The following ZNF385D variants were observed in gnomAD, a reference collection of about 807,000 sequenced individuals.
ZNF385D encodes the protein zinc finger protein 385D.
A neutral mutation model predicts 35.8 loss-of-function variants in ZNF385D; 15 were observed. The observed-to-expected ratio is 0.42, with a 90% CI of 0.28 to 0.64. The LOEUF (loss-of-function observed/expected upper bound fraction) is 0.64, where lower values mean the gene tolerates loss of function less well. Among genes scored for constraint, ZNF385D ranks in the 30% least tolerant of loss-of-function variants. ZNF385D has a pLI of 0.23. For missense variants in ZNF385D, 474 were observed against 494.6 expected (o/e 0.96, Z 0.39); for synonymous variants, 212 against 186.8 (o/e 1.13, Z -1.10).
chr3:22,036,595 A>G (rs1698333786), intron 3 of ZNF385D, among the ~76,000 whole-genome samples: 1 of 152,148 alleles, frequency 6.6e-6, no homozygotes, highest in African/African-American at 2.4e-5. Context: ...TTTCATTTTT[A>G]TAATCATAAA....
At chr3:22,191,456 C>G (rs1696023082) in intron 2 of ZNF385D, among the ~76,000 whole-genome samples, 1 of 149,918 alleles carries the variant, frequency 6.7e-6, no homozygotes, top group South Asian at 2.1e-4. Context: ...CATTGCACTC[C>G]AGCCTGGGCA....
intron 2 of ZNF385D, among the ~76,000 whole-genome samples, chr3:21,592,768 T>A (rs2064020945): frequency 6.6e-6 from 1 of 152,176 alleles, no homozygotes; most frequent in Non-Finnish European, 1.5e-5. Flanking sequence ...ACCTATTCCA[T>A]TTTCTTCTAA....
chr3:22,309,942 C>T (rs933082201), intron 2 of ZNF385D, among the ~76,000 whole-genome samples: 2 of 151,944 alleles, frequency 1.3e-5, no homozygotes, highest in Non-Finnish European at 2.9e-5. Context: ...GGAGAAAACT[C>T]GCTAATTCCC....
chr3:21,453,744 C>T (rs561871075), intron 4 of ZNF385D, among the ~76,000 whole-genome samples: 20 of 151,884 alleles, frequency 1.3e-4, no homozygotes, highest in Non-Finnish European at 7.4e-5. Context: ...AAATTGAAAT[C>T]TTTGTATGTT....
chr3:22,215,294 A>C (rs1697798770), intron 2 of ZNF385D, among the ~76,000 whole-genome samples: 1 of 152,058 alleles, frequency 6.6e-6, no homozygotes, highest in African/African-American at 2.4e-5. Flanking sequence ...AGATAACCTT[A>C]AACTCTGACC....
At chr3:22,333,665 T>C (rs1245319700) in intron 2 of ZNF385D, among the ~76,000 whole-genome samples, 4 of 152,192 alleles carry the variant, frequency 2.6e-5, no homozygotes, top group Admixed American at 6.5e-5. Context: ...TATATTTTCA[T>C]TCATTTCCGA....
chr3:21,590,173 A>G (rs2063928480), intron 2 of ZNF385D, among the ~76,000 whole-genome samples: 1 of 152,198 alleles, frequency 6.6e-6, no homozygotes, highest in African/African-American at 2.4e-5. Context: ...ACAATAAGAA[A>G]GGAATGCAGC....
At chr3:22,152,407 G>A (rs1002713193) in intron 3 of ZNF385D, among the ~76,000 whole-genome samples, 5 of 152,112 alleles carry the variant, frequency 3.3e-5, no homozygotes, top group African/African-American at 9.7e-5. Flanking sequence ...GTTGGCTTAA[G>A]ACAAAACAAA....
chr3:21,731,513 C>T lies in ZNF385D; in HGVS notation c.22+19382G>A, dbSNP rs139724499. On this transcript the variant is annotated intron_variant, in intron 1 of 7. Transcript: ENST00000281523. Reference sequence around the variant, plus strand: ...CCTACATTAACATGTCATAACTACCCAGAGTTTATGGAGTACGTTAACATT... The same window carrying T: ...CCTACATTAACATGTCATAACTACCTAGAGTTTATGGAGTACGTTAACATT... Among the ~76,000 whole-genome samples, 1,013 of 152,224 alleles carry T rather than the reference C, an allele frequency of 6.7e-3. 6 individuals are homozygous for T. The highest frequency in any genetic ancestry group is 0.012 in the Non-Finnish European group (784 of 68,018).
intron 2 of ZNF385D, among the ~76,000 whole-genome samples, chr3:22,173,898 T>C (rs573609538): frequency 6.6e-6 from 1 of 152,216 alleles, no homozygotes; most frequent in African/African-American, 2.4e-5. Context: ...TAAGTCATTT[T>C]ATCTAATTCA....
chr3:21,929,838 T>C (rs1353640895), intron 3 of ZNF385D, among the ~76,000 whole-genome samples: 1 of 152,016 alleles, frequency 6.6e-6, no homozygotes, highest in Non-Finnish European at 1.5e-5. Flanking sequence ...GCGTTCACCA[T>C]TTTGAAGGCT....
intron 3 of ZNF385D, among the ~76,000 whole-genome samples, chr3:21,908,833 C>A (rs1170901093): frequency 6.6e-6 from 1 of 151,954 alleles, no homozygotes; most frequent in Non-Finnish European, 1.5e-5. Flanking sequence ...AAATTATAAG[C>A]ATGTAAATTT....
At chr3:21,861,237 T>TA (rs2125830135) in intron 3 of ZNF385D, among the ~76,000 whole-genome samples, 1 of 152,254 alleles carries the variant, frequency 6.6e-6, no homozygotes, top group Non-Finnish European at 1.5e-5. Flanking sequence ...TTTCGTGCCA[T>TA]AGTCCAGGTG....
At chr3:21,446,214 A>G (rs900697193) in intron 4 of ZNF385D, among the ~76,000 whole-genome samples, 11 of 152,186 alleles carry the variant, frequency 7.2e-5, no homozygotes, top group African/African-American at 2.4e-4. Context: ...AGATCTGCCA[A>G]TTAGTTTCCG....
At chr3:22,006,426 G>A (rs1397482363) in intron 3 of ZNF385D, among the ~76,000 whole-genome samples, 1 of 151,970 alleles carries the variant, frequency 6.6e-6, no homozygotes, top group African/African-American at 2.4e-5. Context: ...TATAACTCTG[G>A]GAAAATACAG....
chr3:22,008,608 G>C (rs1010307807), intron 3 of ZNF385D, among the ~76,000 whole-genome samples: 2 of 152,026 alleles, frequency 1.3e-5, no homozygotes, highest in East Asian at 3.9e-4. Flanking sequence ...CGCCCACCAC[G>C]GCCTCCCAAA....
chr3:21,529,227 A>G (rs1237683192), intron 3 of ZNF385D, among the ~76,000 whole-genome samples: 1 of 152,168 alleles, frequency 6.6e-6, no homozygotes, highest in Non-Finnish European at 1.5e-5. Context: ...TTACCATTGC[A>G]GGAAAGCCAG....
At position 21,999,782 on chromosome 3, in the gene ZNF385D, A is replaced by AAAT. The variant is rs1553716652; in HGVS notation, c.325+169032_325+169034dup. ...TACCCCAGTCAGGCAAAAAAAAAAA[A>AAAT]AATAATAATAATGAAAAACAAAAAG... On this transcript the variant is annotated intron_variant, in intron 3 of 5. Transcript: ENST00000494108. Among the ~76,000 whole-genome samples the AAAT allele has an allele frequency of 3.7e-3, 550 of 149,290 alleles. 5 individuals are homozygous for AAAT. The highest frequency in any genetic ancestry group is 9.4e-3 in the African/African-American group (381 of 40,744).
chr3:22,337,437 G>A (rs960140894), intron 2 of ZNF385D, among the ~76,000 whole-genome samples: 2 of 152,120 alleles, frequency 1.3e-5, no homozygotes, highest in Non-Finnish European at 2.9e-5. Flanking sequence ...AAGAGGCAGA[G>A]GAGGGAGAAT....
Sources: allele counts gnomAD v4.1 joint callset (sites outside exome capture counted in the v4.1 genomes callset), GRCh38; gene constraint gnomAD v4.1.1; transcripts MANE v1.5; gene names NCBI Gene and HGNC (gene_info 2026-07-23, HGNC 2026-07-21).